Variants in SEL1L2 observed in about 807,000 individuals in gnomAD.
SEL1L2 encodes the protein SEL1L2 adaptor subunit of SYVN1 ubiquitin ligase, also known as protein sel-1 homolog 2.
A neutral mutation model predicts 98.8 loss-of-function variants in SEL1L2; 89 were observed. The observed-to-expected ratio is 0.90, with a 90% CI of 0.76 to 1.07. SEL1L2 has a LOEUF of 1.07. Ranked by LOEUF, SEL1L2 falls within the 50% of genes least tolerant of loss-of-function variation. SEL1L2 has a pLI of 0.00. For missense variants in SEL1L2, 788 were observed against 812.0 expected (o/e 0.97, Z 0.36); for synonymous variants, 262 against 278.5 (o/e 0.94, Z 0.59).
intron 3 of SEL1L2, among the ~76,000 whole-genome samples, chr20:13,928,809 C>T (rs1277660557): frequency 1.3e-5 from 2 of 152,114 alleles, no homozygotes; most frequent in East Asian, 3.9e-4. Context: ...AAAATGCGCA[C>T]AGTGAAGTTT....
chr20:13,859,420 T>G lies in SEL1L2; in HGVS notation c.1660A>C (p.Arg554=). 1.2e-6 allele frequency: 2 copies of G among 1,613,370 alleles called. No individual in the cohort carries two copies. Among genetic ancestry groups the G allele is most frequent in the Non-Finnish European group, 1.7e-6 (2 of 1,179,368 alleles). ...RAAIQGNAFA[R]VKIGDYHYYG... is the part of the protein sequence containing the mutation. Reference sequence around the variant, plus strand: ...TAATGGTAATCTCCAATTTTTACTCTAGCAAATGCATTGCCTGATAGAAAT... The same window carrying G: ...TAATGGTAATCTCCAATTTTTACTCGAGCAAATGCATTGCCTGATAGAAAT... Residue 554 remains arginine (R), a synonymous_variant, in exon 18 of 20, where the codon AGA becomes CGA. Coordinates refer to ENST00000284951, the MANE Select transcript of SEL1L2 (RefSeq NM_025229.2).
Position 13,894,092 on chromosome 20 carries a change from GAAGATCTCA to G in SEL1L2, c.550-5589_550-5581del. The stretch of plus-strand genomic sequence containing the variant: ...ATATAATATAAAATGCATTACTAAA[GAAGATCTCA>G]AATAAACAACCTAACTTTATACCTC... On this transcript the variant is annotated intron_variant, in intron 5 of 19. Transcript: ENST00000284951. Among the ~76,000 whole-genome samples, 2 of 152,114 alleles carry G rather than the reference GAAGATCTCA, an allele frequency of 1.3e-5. 1 individual carries two copies. The highest frequency in any genetic ancestry group is 4.1e-4 in the South Asian group (2 of 4,824).
chr20:13,869,166 C>T (rs2046067238), intron 14 of SEL1L2, among the ~76,000 whole-genome samples: 1 of 152,128 alleles, frequency 6.6e-6, no homozygotes, highest in Non-Finnish European at 1.5e-5. Flanking sequence ...ACCTCAACTA[C>T]TCTTAACTAA....
chr20:13,874,296 T>C (rs243917), intron 12 of SEL1L2, among the ~76,000 whole-genome samples: 6,641 of 152,242 alleles, frequency 0.044, 466 homozygotes, highest in African/African-American at 0.15. Context: ...GAAAGCAGTT[T>C]TTAAAAAAGT....
rs534578783 is a variant in SEL1L2 at position 13,870,922 on chromosome 20, C to CAAAAA, written c.1105-724_1105-720dup. On this transcript the variant is annotated intron_variant, in intron 12 of 19. Transcript: ENST00000284951. ...TGGGCGAAAGATCAAAACTCCATCTCAAAAAAAAAAAAAAAAAAAAAAGAA... is the reference window on the plus strand; with the variant it reads ...TGGGCGAAAGATCAAAACTCCATCTCAAAAAAAAAAAAAAAAAAAAAAAAAAAGAA... 7.4e-4 allele frequency among the ~76,000 whole-genome samples: 39 copies of CAAAAA among 53,058 alleles called. 2 individuals are homozygous for CAAAAA. Among genetic ancestry groups the CAAAAA allele is most frequent in the East Asian group, 1.1e-3 (2 of 1,876 alleles). 34.8% of individuals were successfully genotyped at this position (53,058 alleles called of 152,430 possible).
intron 1 of SEL1L2, among the ~76,000 whole-genome samples, chr20:13,957,978 G>A (rs6135030): frequency 2.0e-4 from 31 of 152,110 alleles, no homozygotes; most frequent in Middle Eastern, 3.4e-3. Flanking sequence ...ATATACATTA[G>A]GATTGTTCCT....
chr20:13,924,451 G>T (rs527386476), intron 3 of SEL1L2, among the ~76,000 whole-genome samples: 1 of 150,794 alleles, frequency 6.6e-6, no homozygotes, highest in Non-Finnish European at 1.5e-5. Context: ...TAAGAGACAG[G>T]GTCTCACTCT....
intron 5 of SEL1L2, among the ~76,000 whole-genome samples, chr20:13,900,729 C>T (rs1026293361): frequency 6.6e-6 from 1 of 152,160 alleles, no homozygotes; most frequent in Non-Finnish European, 1.5e-5. Flanking sequence ...GGTTTTCACG[C>T]CTGTTTGTAG....
intron 1 of SEL1L2, among the ~76,000 whole-genome samples, chr20:13,982,448 C>T (rs2051874604): frequency 6.9e-6 from 1 of 144,390 alleles, no homozygotes; most frequent in South Asian, 2.2e-4. Context: ...GAAGTCGAGC[C>T]TATAGTGAGT....
At chr20:13,853,380 G>T (rs1988595885) in intron 18 of SEL1L2, among the ~76,000 whole-genome samples, 1 of 146,616 alleles carries the variant, frequency 6.8e-6, no homozygotes, top group African/African-American at 2.6e-5. Flanking sequence ...GCTGATTTTT[G>T]TATTTTTTTT....
Position 13,876,096 on chromosome 20 carries a change from G to A in SEL1L2, c.1046C>T (p.Ala349Val), listed in dbSNP as rs776822653. The change falls in exon 12 of 20, where the codon GCT (alanine) becomes GTT (valine). Residue 349 changes from alanine (A) to valine (V), a missense_variant. Ala to Val is a moderately conservative substitution (Grantham distance 64). Coordinates refer to ENST00000284951, the MANE Select transcript of SEL1L2 (RefSeq NM_025229.2). The stretch of plus-strand genomic sequence containing the variant: ...AGTAGCGTTATTTTGCGGCACGGCA[G>A]CATTCCCCTCTAAATACATCTAGGA... The part of the protein sequence containing the change: ...FIGKMYLEGN[A>V]AVPQNNATAF... The A allele has an allele frequency of 1.2e-6, 2 of 1,613,652 alleles. No homozygotes were observed. Among genetic ancestry groups the A allele is most frequent in the Non-Finnish European group, 1.7e-6 (2 of 1,179,550 alleles).
At chr20:13,890,679 A>C (rs1286570275) in intron 5 of SEL1L2, among the ~76,000 whole-genome samples, 1 of 152,192 alleles carries the variant, frequency 6.6e-6, no homozygotes, top group Non-Finnish European at 1.5e-5. Flanking sequence ...AATCAACCTT[A>C]AAGAAACACC....
chr20:13,865,316 T>A, intron 16 of SEL1L2, 33 bp downstream of exon 16: 1 of 1,611,832 alleles, frequency 6.2e-7, no homozygotes, highest in Non-Finnish European at 8.5e-7. Context: ...TATGTATGAT[T>A]GGGGGATTGC....
At chr20:13,975,685 T>C (rs1332701317) in intron 1 of SEL1L2, among the ~76,000 whole-genome samples, 1 of 152,232 alleles carries the variant, frequency 6.6e-6, no homozygotes, top group Non-Finnish European at 1.5e-5. Flanking sequence ...TGCCAAGTTC[T>C]ACAATGAGCT....
chr20:13,982,780 C>T (rs1470775218), intron 1 of SEL1L2, among the ~76,000 whole-genome samples: 2 of 151,362 alleles, frequency 1.3e-5, no homozygotes, highest in Non-Finnish European at 2.9e-5. Flanking sequence ...AATCCCAGCA[C>T]TTTGGGAGGC....
chr20:13,959,104 T>C (rs2050671047), intron 1 of SEL1L2, among the ~76,000 whole-genome samples: 1 of 152,152 alleles, frequency 6.6e-6, no homozygotes, highest in South Asian at 2.1e-4. Context: ...GTTCGGCATT[T>C]GAAGCAAATT....
intron 8 of SEL1L2, 64 bp downstream of exon 8, chr20:13,887,705 T>C (rs2047021214): frequency 3.9e-6 from 4 of 1,026,516 alleles, no homozygotes; most frequent in East Asian, 4.8e-5. Flanking sequence ...TGAACTGTTA[T>C]TGATTTATTT....
At chr20:13,973,805 C>A (rs982133036) in intron 1 of SEL1L2, among the ~76,000 whole-genome samples, 2 of 152,100 alleles carry the variant, frequency 1.3e-5, no homozygotes, top group Non-Finnish European at 2.9e-5. Flanking sequence ...CTAGATCTAA[C>A]CTTAGATCTA....
At chr20:13,955,617 C>CAT (rs966504194) in intron 2 of SEL1L2, among the ~76,000 whole-genome samples, 17 of 152,148 alleles carry the variant, frequency 1.1e-4, no homozygotes, top group Non-Finnish European at 2.5e-4. Context: ...CTTTACTTGA[C>CAT]ATATTTACAG....
Sources: allele counts gnomAD v4.1 joint callset (sites outside exome capture counted in the v4.1 genomes callset), GRCh38; gene constraint gnomAD v4.1.1; transcripts MANE v1.5; gene names NCBI Gene and HGNC (gene_info 2026-07-23, HGNC 2026-07-21).